Variants in NFASC observed in about 807,000 individuals in gnomAD.
NFASC encodes the protein neurofascin, also known as neurofascin homolog.
A neutral mutation model predicts 147.5 loss-of-function variants in NFASC; 43 were observed. The ratio of observed to expected loss-of-function variants is 0.29; its 90% CI spans 0.23 to 0.38. The LOEUF is 0.38. Among genes scored for constraint, NFASC ranks in the 10% least tolerant of loss-of-function variants. The probability of loss-of-function intolerance (pLI) is 1.00; values close to 1 mark genes in which losing one functional copy is unlikely to be tolerated. For missense variants in NFASC, 1,320 were observed against 1,689.0 expected (o/e 0.78, Z 3.83); for synonymous variants, 622 against 665.5 (o/e 0.93, Z 1.01).
At chr1:204,976,451 A>C (rs928883218) in intron 15 of NFASC, among the ~76,000 whole-genome samples, 2 of 152,142 alleles carry the variant, frequency 1.3e-5, no homozygotes, top group Non-Finnish European at 2.9e-5. Context: ...CAGCCACTTG[A>C]GCTCCGCCCA....
chr1:204,994,854 C>T (rs1013587387), intron 24 of NFASC, among the ~76,000 whole-genome samples: 12 of 152,088 alleles, frequency 7.9e-5, no homozygotes, highest in African/African-American at 2.2e-4. Flanking sequence ...TAAGGAACTC[C>T]GGCAGGTGCA....
chr1:205,012,004 G>A (rs149629736), intron 28 of NFASC, among the ~76,000 whole-genome samples: 16,896 of 152,194 alleles, frequency 0.11, 1,176 homozygotes, highest in South Asian at 0.24. Context: ...GCTTGAACCC[G>A]GGAGGCAGAG....
rs1382589392 is a variant in NFASC at position 204,920,732 on chromosome 1, G to T, written c.-99G>T. 1.2e-5 allele frequency: 15 copies of T among 1,286,432 alleles called. No homozygotes were observed. The highest frequency in any genetic ancestry group is 7.6e-5 in the African/African-American group (5 of 65,784). The allele number at this position is 1,286,432 out of a possible 1,614,324, so 79.7% of individuals were successfully genotyped here. On this transcript the variant is annotated 5_prime_UTR_variant, in exon 2 of 30. Transcript: ENST00000339876. ...TGTTGCAAGGAAGAGGCTGAATGAG[G>T]CAGAGAAGGTAAGCAGGACTTGGGC...
rs145631452 is a variant in NFASC at position 204,993,305 on chromosome 1, C to T, written c.2782+1999C>T. Among the ~76,000 whole-genome samples, 208 of 152,338 alleles carry T rather than the reference C, an allele frequency of 1.4e-3. 1 individual carries two copies. Among genetic ancestry groups the T allele is most frequent in the African/African-American group, 4.4e-3 (184 of 41,564 alleles). On this transcript the variant is annotated intron_variant, in intron 24 of 29. Transcript: ENST00000339876. Reference sequence around the variant, plus strand: ...TGTGATTTGGCCGGGGTAGTCAACACGCCATGTGGACATTTTTGGACTAAA... The same window carrying T: ...TGTGATTTGGCCGGGGTAGTCAACATGCCATGTGGACATTTTTGGACTAAA...
chr1:204,992,139 C>T lies in NFASC; in HGVS notation c.2782+833C>T, dbSNP rs140574182. Among the ~76,000 whole-genome samples the T allele has an allele frequency of 1.3e-3, 204 of 152,232 alleles. 1 individual carries two copies. The highest frequency in any genetic ancestry group is 9.7e-3 in the East Asian group (50 of 5,172). On this transcript the variant is annotated intron_variant, in intron 24 of 29. Coordinates refer to ENST00000339876, the MANE Select transcript of NFASC (RefSeq NM_001005388.3). ...TTGGCCTGTCCCCAGGCTGGAGAAACGAGGCAGGGGACCCCAGGGTTCCTT... is the reference window on the plus strand; with the variant it reads ...TTGGCCTGTCCCCAGGCTGGAGAAATGAGGCAGGGGACCCCAGGGTTCCTT...
rs763503451 is a variant in NFASC, at chr1:204,981,880, A to G, written c.2330A>G (p.Asn777Ser). ...WRRRETREAW[N>S]NVTVWGSRYV... ...CGGAGAGAGACTCGAGAGGCCTGGA[A>G]CAACGTCACAGTGTGGGGCTCTCGC... is the stretch of plus-strand genomic sequence containing the variant. Residue 777 changes from asparagine to serine, a missense_variant, in exon 21 of 30, where the codon AAC becomes AGC. This residue lies in a region of NFASC where 981 missense variants were observed against 1,289.5 expected (regional missense o/e 0.76). Coordinates refer to ENST00000339876, the MANE Select transcript of NFASC (RefSeq NM_001005388.3). 3 of 1,607,360 alleles carry G rather than the reference A, an allele frequency of 1.9e-6. No homozygotes were observed.
chr1:204,837,598 G>T lies in NFASC; in HGVS notation c.-200+8816G>T, dbSNP rs575872945. Among the ~76,000 whole-genome samples the T allele has an allele frequency of 2.0e-5, 3 of 152,272 alleles. No homozygotes were observed. The South Asian group carries it at 6.2e-4, about 32-fold the overall frequency. ...CCCAGGCACCTGGTGGTTTCTGAGG[G>T]GATAGTTCCTTCTGAAGGATGTTTG... On this transcript the variant is annotated intron_variant, in intron 1 of 29. Coordinates refer to ENST00000339876, the MANE Select transcript of NFASC (RefSeq NM_001005388.3).
At chr1:204,978,195 A>G (rs2095444763) in intron 17 of NFASC, among the ~76,000 whole-genome samples, 1 of 152,212 alleles carries the variant, frequency 6.6e-6, no homozygotes, top group African/African-American at 2.4e-5. Flanking sequence ...TCTAGTGACC[A>G]TCTGAAAGAT....
At chr1:204,928,355 G>T (rs1414575968) in intron 2 of NFASC, among the ~76,000 whole-genome samples, 1 of 152,178 alleles carries the variant, frequency 6.6e-6, no homozygotes. Context: ...GTAGAAAGCT[G>T]GCTGGATTGT....
rs1173458745 is a variant in NFASC, at chr1:204,877,021, TA to T, written c.-199-43610del. Reference sequence around the variant, plus strand: ...GTATATATATATATATATATATATATATATATAATATATATTTATATATATA... The same window carrying T: ...GTATATATATATATATATATATATATTATATAATATATATTTATATATATA... On this transcript the variant is annotated intron_variant, in intron 1 of 29. Transcript: ENST00000339876. 4.1e-4 allele frequency among the ~76,000 whole-genome samples: 42 copies of T among 103,308 alleles called. 2 individuals carry two copies. The highest frequency in any genetic ancestry group is 1.7e-3 in the Admixed American group (13 of 7,798). The allele number at this position is 103,308 out of a possible 152,430, so 67.8% of individuals were successfully genotyped here. A position where few individuals can be genotyped will look rare whatever the true frequency, so the allele number is the denominator to read the frequency against.
intron 1 of NFASC, among the ~76,000 whole-genome samples, chr1:204,871,458 G>T (rs1388347467): frequency 1.3e-5 from 2 of 152,166 alleles, no homozygotes; most frequent in East Asian, 3.9e-4. Context: ...CATTTTAGAG[G>T]AGGGAGACTC....
Position 204,954,003 on chromosome 1 carries a change from A to C in NFASC, c.216-185A>C, listed in dbSNP as rs1224990472. Among the ~76,000 whole-genome samples, 1 of 152,002 alleles carries C rather than the reference A, an allele frequency of 6.6e-6. No individual in the cohort carries two copies. Among genetic ancestry groups the C allele is most frequent in the Non-Finnish European group, 1.5e-5 (1 of 67,994 alleles). On this transcript the variant is annotated intron_variant, in intron 5 of 29. Coordinates refer to ENST00000339876, the MANE Select transcript of NFASC (RefSeq NM_001005388.3). This position sits in a 1 kb window ranked among gnomAD's most constrained non-coding sequence, Gnocchi z 5.7. The stretch of plus-strand genomic sequence containing the variant: ...ACTTGGGTGGGACCTGGGACTTTGC[A>C]TTTTATTGAGCTCTCCAGATGGTTC...
intron 8 of NFASC, chr1:204,962,124 C>T (rs770014945): frequency 4.2e-5 from 68 of 1,613,576 alleles, no homozygotes; most frequent in Non-Finnish European, 5.2e-5. Context: ...CTTATAATGA[C>T]TCGTCCTTAA....
intron 27 of NFASC, 153 bp from the exon 28 acceptor site, chr1:205,009,404 C>CG: frequency 1.2e-6 from 1 of 817,402 alleles, no homozygotes; most frequent in Non-Finnish European, 2.2e-6. Flanking sequence ...TGTCCTTTAG[C>CG]AGGGTAGTTT....
intron 1 of NFASC, among the ~76,000 whole-genome samples, chr1:204,830,592 ATG>A (rs1033952208): frequency 6.9e-6 from 1 of 143,984 alleles, no homozygotes; most frequent in African/African-American, 2.6e-5. Flanking sequence ...GTGTGTTGTG[ATG>A]TGTGTGTGTG....
Position 204,887,841 on chromosome 1 carries a change from G to A in NFASC, c.-199-32791G>A, listed in dbSNP as rs917162600. ...TCAAACTCCTGGGCCCAAGCAATCA[G>A]CCCGCCTTGGCCTCTGAAAGTGCTG... is the stretch of plus-strand genomic sequence containing the variant. On this transcript the variant is annotated intron_variant, in intron 1 of 29. Coordinates refer to ENST00000339876, the MANE Select transcript of NFASC (RefSeq NM_001005388.3). Among the ~76,000 whole-genome samples, 3 of 151,992 alleles carry A rather than the reference G, an allele frequency of 2.0e-5. No individual in the cohort carries two copies. The South Asian group carries it at 6.2e-4, about 32-fold the overall frequency.
chr1:204,863,352 T>C (rs1264988159), intron 1 of NFASC, among the ~76,000 whole-genome samples: 2 of 152,248 alleles, frequency 1.3e-5, no homozygotes, highest in Admixed American at 1.3e-4. Context: ...CAGATATTGA[T>C]GGATTTGACA....
chr1:204,836,481 A>G (rs1416618096), intron 1 of NFASC, among the ~76,000 whole-genome samples: 1 of 152,238 alleles, frequency 6.6e-6, no homozygotes, highest in African/African-American at 2.4e-5. Flanking sequence ...GAGACCAGCC[A>G]GAGTTTTATT....
chr1:204,980,873 G>A (rs148005728), intron 20 of NFASC, among the ~76,000 whole-genome samples: 45 of 152,132 alleles, frequency 3.0e-4, no homozygotes, highest in Non-Finnish European at 4.4e-4. Flanking sequence ...TCTGAGATGT[G>A]TCCAGTACAG....
Sources: allele counts gnomAD v4.1 joint callset (sites outside exome capture counted in the v4.1 genomes callset), GRCh38; gene constraint gnomAD v4.1.1; regional missense constraint gnomAD v4.1.1; non-coding constraint Gnocchi (gnomAD v3.1); transcripts MANE v1.5; gene names NCBI Gene and HGNC (gene_info 2026-07-23, HGNC 2026-07-21).